The following TM9SF3 variants were observed in gnomAD, a reference collection of about 807,000 sequenced individuals.
TM9SF3 encodes the protein SM-11044-binding protein.
In TM9SF3, 14 loss-of-function variants were observed where a neutral mutation model predicts 78.6. That is an observed-to-expected ratio of 0.18 (90% CI 0.12 to 0.28). TM9SF3 has a LOEUF of 0.28. TM9SF3 is among the 10% of genes least tolerant of loss of function. TM9SF3 has a pLI of 1.00. For synonymous variants in TM9SF3, 231 were observed against 241.7 expected, an observed-to-expected ratio of 0.96 and a Z score of 0.41; for missense variants, 496 against 721.9, an observed-to-expected ratio of 0.69 and a Z score of 3.59.
intron 4 of TM9SF3, chr10:96,560,053 G>C: frequency 1.7e-6 from 1 of 576,372 alleles, no homozygotes; most frequent in Non-Finnish European, 3.1e-6. Flanking sequence ...CATATCACAA[G>C]TGTCTAAATC....
chr10:96,569,743 T>C (rs944078761), intron 2 of TM9SF3, among the ~76,000 whole-genome samples: 2 of 151,564 alleles, frequency 1.3e-5, no homozygotes, highest in Admixed American at 6.6e-5. Flanking sequence ...AACTAGAAAA[T>C]GGGAGAAAGG....
At chr10:96,583,090 A>G (rs1848590656) in intron 1 of TM9SF3, among the ~76,000 whole-genome samples, 1 of 151,768 alleles carries the variant, frequency 6.6e-6, no homozygotes, top group African/African-American at 2.4e-5. Context: ...CAAAAAAAAA[A>G]AAAGAAAAAA....
intron 9 of TM9SF3, among the ~76,000 whole-genome samples, chr10:96,534,137 G>A (rs1847927890): frequency 6.6e-6 from 1 of 152,200 alleles, no homozygotes; most frequent in Admixed American, 6.5e-5. Context: ...GATTGCACAA[G>A]AAGGAAAGAT....
intron 9 of TM9SF3, among the ~76,000 whole-genome samples, chr10:96,540,275 C>G (rs569004542): frequency 6.6e-6 from 1 of 152,286 alleles, no homozygotes; most frequent in South Asian, 2.1e-4. Context: ...ATAGCATGTA[C>G]ATACTATGGC....
chr10:96,585,203 G>T (rs974850213), intron 1 of TM9SF3, among the ~76,000 whole-genome samples: 1 of 152,112 alleles, frequency 6.6e-6, no homozygotes, highest in African/African-American at 2.4e-5. Context: ...ACTACACATT[G>T]AGAGTTCTGA....
chr10:96,539,993 T>C (rs921010948), intron 9 of TM9SF3, among the ~76,000 whole-genome samples: 17 of 152,230 alleles, frequency 1.1e-4, no homozygotes, highest in Admixed American at 6.5e-5. Flanking sequence ...GTGAAAATGC[T>C]TTGTAAACTA....
intron 13 of TM9SF3, 32 bp downstream of exon 13, chr10:96,527,380 CT>C: frequency 6.3e-7 from 1 of 1,595,174 alleles, no homozygotes; most frequent in Non-Finnish European, 8.5e-7. Flanking sequence ...ATTTAGTTTC[CT>C]AAATAAAAGG....
At chr10:96,560,568 C>T (rs1564936071) in intron 4 of TM9SF3, 3 of 688,532 alleles carry the variant, frequency 4.4e-6, no homozygotes, top group Non-Finnish European at 8.1e-6. Context: ...AGAAGATGAA[C>T]AGGAGGAGGC....
chr10:96,524,238 G>C (rs1014332346), intron 14 of TM9SF3, among the ~76,000 whole-genome samples: 24 of 151,572 alleles, frequency 1.6e-4, no homozygotes, highest in African/African-American at 5.8e-4. Context: ...ACTTATTTTT[G>C]CAATGACATT....
intron 9 of TM9SF3, among the ~76,000 whole-genome samples, chr10:96,536,826 T>C (rs1418407520): frequency 6.6e-6 from 1 of 152,196 alleles, no homozygotes; most frequent in East Asian, 1.9e-4. Context: ...CACTATATTA[T>C]CCAGGCTGAA....
chr10:96,585,997 C>T (rs989907779), intron 1 of TM9SF3, among the ~76,000 whole-genome samples: 19 of 152,134 alleles, frequency 1.2e-4, no homozygotes, highest in African/African-American at 4.6e-4. Context: ...TGTTTCTGGC[C>T]CTGACCTGAA....
chr10:96,558,599 T>A (rs955274696), intron 5 of TM9SF3, among the ~76,000 whole-genome samples: 1 of 149,672 alleles, frequency 6.7e-6, no homozygotes, highest in Non-Finnish European at 1.5e-5. Context: ...TGAGCCAAGA[T>A]CATGCCACTG....
At chr10:96,570,732 A>C (rs1848428971) in intron 2 of TM9SF3, among the ~76,000 whole-genome samples, 1 of 148,856 alleles carries the variant, frequency 6.7e-6, no homozygotes, top group Non-Finnish European at 1.5e-5. Context: ...CAAAGAGAAG[A>C]GACAACGGTG....
intron 9 of TM9SF3, among the ~76,000 whole-genome samples, chr10:96,540,657 AAT>A (rs1848015273): frequency 6.6e-6 from 1 of 151,588 alleles, no homozygotes; most frequent in African/African-American, 2.4e-5. Context: ...GATCCCACAC[AAT>A]GAGTCTTTGA....
intron 4 of TM9SF3, among the ~76,000 whole-genome samples, chr10:96,561,485 T>A (rs1392862582): frequency 6.6e-6 from 1 of 152,176 alleles, no homozygotes; most frequent in Non-Finnish European, 1.5e-5. Context: ...TTTTTAAGCC[T>A]AAGACAACAG....
chr10:96,565,492 AG>A, intron 2 of TM9SF3, 66 bp from the exon 3 acceptor site: 2 of 1,449,828 alleles, frequency 1.4e-6, no homozygotes, highest in Non-Finnish European at 1.8e-6. Context: ...AAAAAAAAAA[AG>A]ACAAGAAAAA....
intron 7 of TM9SF3, among the ~76,000 whole-genome samples, chr10:96,548,583 A>G (rs1848128721): frequency 6.6e-6 from 1 of 152,076 alleles, no homozygotes; most frequent in South Asian, 2.1e-4. Context: ...AGATCACGTG[A>G]GGTCAGGAGT....
intron 1 of TM9SF3, among the ~76,000 whole-genome samples, chr10:96,580,430 TA>T (rs1226911348): frequency 6.6e-6 from 1 of 152,102 alleles, no homozygotes; most frequent in Non-Finnish European, 1.5e-5. Flanking sequence ...CACACCCGGC[TA>T]ATTTTTTGTA....
In TM9SF3 at chr10:96,530,574, C is replaced by T; in HGVS notation, c.1360G>A (p.Gly454Arg). 6.2e-7 allele frequency: 1 copy of T among 1,612,546 alleles called. No individual in the cohort carries two copies. The highest frequency in any genetic ancestry group is 8.5e-7 in the Non-Finnish European group (1 of 1,179,246). Reference protein sequence around the residue: ...MEPAVIVCLGGILPFGSIFIE... With the variant: ...MEPAVIVCLGRILPFGSIFIE... Reference sequence around the variant, plus strand: ...AAGATTGAACCAAAAGGTAAAATTCCACCCAGGCAAACAATAACCGCAGGC... The same window carrying T: ...AAGATTGAACCAAAAGGTAAAATTCTACCCAGGCAAACAATAACCGCAGGC... The change falls in exon 11 of 15, where the codon GGA (glycine) becomes AGA (arginine). Residue 454 changes from glycine to arginine, a missense_variant. By Grantham distance (125) the Gly-to-Arg change is moderately radical (BLOSUM62 -2). Coordinates refer to ENST00000371142, the MANE Select transcript of TM9SF3 (RefSeq NM_020123.4).
Sources: gnomAD v4.1 joint callset for allele counts (sites outside exome capture counted in the v4.1 genomes callset) on GRCh38, gnomAD v4.1.1 for gene constraint, MANE v1.5 for transcripts, NCBI Gene and HGNC (gene_info 2026-07-23, HGNC 2026-07-21) for gene names.